The following B3GNT2 variants were observed in gnomAD, a reference collection of about 807,000 sequenced individuals.
The protein encoded by B3GNT2 is UDP-GlcNAc:betaGal beta-1,3-N-acetylglucosaminyltransferase 2, also known as N-acetyllactosaminide beta-1,3-N-acetylglucosaminyltransferase 2.
In B3GNT2, 12 loss-of-function variants were observed where a neutral mutation model predicts 27.6. The ratio of observed to expected loss-of-function variants is 0.44; its 90% CI spans 0.28 to 0.71. The LOEUF (loss-of-function observed/expected upper bound fraction) is 0.71, where lower values mean the gene tolerates loss of function less well. Among genes scored for constraint, B3GNT2 ranks in the 30% least tolerant of loss-of-function variants. The probability of loss-of-function intolerance (pLI) is 0.17; values close to 1 mark genes in which losing one functional copy is unlikely to be tolerated. For missense variants in B3GNT2, 413 were observed against 488.5 expected (o/e 0.85, Z 1.46); for synonymous variants, 192 against 189.7 (o/e 1.01, Z -0.10).
At chr2:62,209,259 C>A (rs1331691441) in intron 1 of B3GNT2, among the ~76,000 whole-genome samples, 3 of 152,110 alleles carry the variant, frequency 2.0e-5, no homozygotes, top group African/African-American at 7.2e-5. Context: ...GGACTGGACT[C>A]CCCAGTCCCC....
chr2:62,221,719 C>T lies in B3GNT2; in HGVS notation c.-9-493C>T, dbSNP rs568140739. 19 of 408,890 alleles carry T rather than the reference C, an allele frequency of 4.6e-5. No homozygotes were observed. In the East Asian group the frequency reaches 1.2e-3, roughly 26 times the overall value. 25.3% of individuals were successfully genotyped at this position (408,890 alleles called of 1,614,324 possible). A position where few individuals can be genotyped will look rare whatever the true frequency, so the allele number is the denominator to read the frequency against. On this transcript the variant is annotated intron_variant, in intron 1 of 1. Coordinates refer to ENST00000301998, the MANE Select transcript of B3GNT2 (RefSeq NM_006577.6). Reference sequence around the variant, plus strand: ...GAATGACATGGAACTGCACACAATGCGTCACACATGTAAATAGAGTTTTGT... The same window carrying T: ...GAATGACATGGAACTGCACACAATGTGTCACACATGTAAATAGAGTTTTGT...
intron 1 of B3GNT2, among the ~76,000 whole-genome samples, chr2:62,220,723 A>C (rs903398897): frequency 2.0e-5 from 3 of 151,200 alleles, no homozygotes; most frequent in Admixed American, 6.5e-5. Flanking sequence ...CCTAAGGATA[A>C]ATTCCCAGTT....
Position 62,222,424 on chromosome 2 carries a change from G to A in B3GNT2, c.204G>A (p.Arg68=). The part of the protein sequence containing the change: ...YWNREQEKLN[R]QYNPILSMLT... ...ACCGAGAGCAAGAGAAGCTGAACCG[G>A]CAGTACAACCCCATCCTGAGCATGC... The change falls in exon 2 of 2, where the codon CGG becomes CGA. Residue 68 remains arginine, a synonymous_variant. Transcript: ENST00000301998. The surrounding 1 kb of genome is among the most constrained non-coding windows in gnomAD (Gnocchi z 4.2). The A allele has an allele frequency of 6.2e-7, 1 of 1,614,102 alleles. No homozygotes were observed. The highest frequency in any genetic ancestry group is 1.1e-5 in the South Asian group (1 of 91,058).
chr2:62,211,392 A>T (rs889049669), intron 1 of B3GNT2, among the ~76,000 whole-genome samples: 87 of 147,944 alleles, frequency 5.9e-4, no homozygotes, highest in African/African-American at 2.1e-3. Flanking sequence ...AAGGCAGACC[A>T]CATTTACCTA....
At chr2:62,213,885 T>G (rs1573266741) in intron 1 of B3GNT2, among the ~76,000 whole-genome samples, 1 of 152,350 alleles carries the variant, frequency 6.6e-6, no homozygotes, top group East Asian at 1.9e-4. Context: ...AGTAAACTTG[T>G]CCAGATGACC....
At chr2:62,210,657 C>G (rs1286356697) in intron 1 of B3GNT2, among the ~76,000 whole-genome samples, 1 of 151,862 alleles carries the variant, frequency 6.6e-6, no homozygotes, top group African/African-American at 2.4e-5. Context: ...ACAGTCCCAG[C>G]TACTTGGGAG....
intron 1 of B3GNT2, among the ~76,000 whole-genome samples, chr2:62,218,623 G>A (rs1035094156): frequency 7.2e-5 from 11 of 152,290 alleles, no homozygotes; most frequent in South Asian, 2.1e-4. Flanking sequence ...GAGCCTCATA[G>A]AAAAAAGAGA....
intron 1 of B3GNT2, among the ~76,000 whole-genome samples, chr2:62,215,866 G>A (rs1010910321): frequency 6.6e-6 from 1 of 152,240 alleles, no homozygotes; most frequent in South Asian, 2.1e-4. Context: ...CTCAGCCTGA[G>A]TGGGTGGGGG....
At chr2:62,218,904 G>C (rs1484755572) in intron 1 of B3GNT2, among the ~76,000 whole-genome samples, 1 of 152,230 alleles carries the variant, frequency 6.6e-6, no homozygotes, top group Admixed American at 6.5e-5. Flanking sequence ...ACTGTACCTT[G>C]ACGTGGCCTT....
chr2:62,219,542 A>G (rs1322205425), intron 1 of B3GNT2, among the ~76,000 whole-genome samples: 2 of 152,128 alleles, frequency 1.3e-5, no homozygotes. Flanking sequence ...ACCAAAGCAA[A>G]GTGCTGGGTT....
intron 1 of B3GNT2, among the ~76,000 whole-genome samples, chr2:62,200,744 C>T (rs905975168): frequency 3.9e-5 from 6 of 152,182 alleles, no homozygotes; most frequent in African/African-American, 7.2e-5. Context: ...TTCTTTCTTA[C>T]ATCATCATAG....
chr2:62,211,682 C>A (rs1312472122), intron 1 of B3GNT2, among the ~76,000 whole-genome samples: 1 of 152,204 alleles, frequency 6.6e-6, no homozygotes, highest in Non-Finnish European at 1.5e-5. Flanking sequence ...CACATACTTT[C>A]TTCCTAGCAG....
chr2:62,203,922 A>G (rs78154840), intron 1 of B3GNT2, among the ~76,000 whole-genome samples: 284 of 152,308 alleles, frequency 1.9e-3, no homozygotes, highest in African/African-American at 6.4e-3. Context: ...TGCACAGCCA[A>G]TTTCACATGT....
chr2:62,214,229 G>A (rs556380928), intron 1 of B3GNT2, among the ~76,000 whole-genome samples: 1 of 152,344 alleles, frequency 6.6e-6, no homozygotes, highest in African/African-American at 2.4e-5. Context: ...GGGAACTGTG[G>A]GAACAGCATG....
At chr2:62,196,768 C>T (rs893806005) in intron 1 of B3GNT2, among the ~76,000 whole-genome samples, 1 of 151,988 alleles carries the variant, frequency 6.6e-6, no homozygotes, top group Admixed American at 6.5e-5. Context: ...TGGCAAGGGG[C>T]ATCTGGGGCC....
rs141982185 is a variant in B3GNT2, at chr2:62,223,592, T to C, written c.*178T>C. 2,809 of 582,420 alleles carry C rather than the reference T, an allele frequency of 4.8e-3. 13 individuals carry two copies. Among genetic ancestry groups the C allele is most frequent in the Non-Finnish European group, 6.8e-3 (2,255 of 329,730 alleles). 36.1% of individuals were successfully genotyped at this position (582,420 alleles called of 1,614,324 possible). A position where few individuals can be genotyped will look rare whatever the true frequency, so the allele number is the denominator to read the frequency against. On this transcript the variant is annotated 3_prime_UTR_variant, in exon 2 of 2. Coordinates refer to ENST00000301998, the MANE Select transcript of B3GNT2 (RefSeq NM_006577.6). ...TCACGTGAAGAGGGAAAGCGGAAGA[T>C]GGTAATTTTTTTTTATGGATGATAT... is the stretch of plus-strand genomic sequence containing the variant.
At position 62,223,640 on chromosome 2, in the gene B3GNT2, T is replaced by C. The variant is rs1674768247; in HGVS notation, c.*226T>C. The C allele has an allele frequency of 4.4e-6, 2 of 449,650 alleles. No homozygotes were observed. Among genetic ancestry groups the C allele is most frequent in the African/African-American group, 2.0e-5 (1 of 49,536 alleles). The allele number at this position is 449,650 out of a possible 1,614,324, so 27.9% of individuals were successfully genotyped here. Reference sequence around the variant, plus strand: ...TATGGCAGGATGATTGGTTCTGATCTTACCGGCTAGTGGTCATTTTTAAAA... The same window carrying C: ...TATGGCAGGATGATTGGTTCTGATCCTACCGGCTAGTGGTCATTTTTAAAA... On this transcript the variant is annotated 3_prime_UTR_variant, in exon 2 of 2. Coordinates refer to ENST00000301998, the MANE Select transcript of B3GNT2 (RefSeq NM_006577.6).
At chr2:62,196,781 G>T (rs961004124) in intron 1 of B3GNT2, among the ~76,000 whole-genome samples, 3 of 152,150 alleles carry the variant, frequency 2.0e-5, no homozygotes, top group Non-Finnish European at 2.9e-5. Flanking sequence ...CTGGGGCCGG[G>T]CCTCCTCATC....
intron 1 of B3GNT2, among the ~76,000 whole-genome samples, chr2:62,206,227 C>T (rs1674372088): frequency 6.6e-6 from 1 of 152,154 alleles, no homozygotes; most frequent in African/African-American, 2.4e-5. Flanking sequence ...TGGGGATGCC[C>T]ATTTCCCTCC....
Sources: allele counts gnomAD v4.1 joint callset (sites outside exome capture counted in the v4.1 genomes callset), GRCh38; gene constraint gnomAD v4.1.1; non-coding constraint Gnocchi (gnomAD v3.1); transcripts MANE v1.5; gene names NCBI Gene and HGNC (gene_info 2026-07-23, HGNC 2026-07-21).